KIAA1217: variants seen among roughly 807,000 people sequenced by gnomAD.
The protein encoded by KIAA1217 is KIAA1217, also known as sickle tail protein homolog.
KIAA1217 carries 88 observed loss-of-function variants against 163.9 expected under a neutral mutation model. The ratio of observed to expected loss-of-function variants is 0.54; its 90% CI spans 0.45 to 0.64. The LOEUF is 0.64. KIAA1217 is among the 30% of genes least tolerant of loss of function. KIAA1217 has a pLI of 0.00. For synonymous variants in KIAA1217, 903 were observed against 923.1 expected, an observed-to-expected ratio of 0.98 and a Z score of 0.39; for missense variants, 2,372 against 2,475.0, an observed-to-expected ratio of 0.96 and a Z score of 0.88.
chr10:23,812,643 C>A (rs1271291239), intron 1 of KIAA1217, among the ~76,000 whole-genome samples: 4 of 152,114 alleles, frequency 2.6e-5, no homozygotes, highest in Non-Finnish European at 5.9e-5. Flanking sequence ...ATTTTCATCA[C>A]CCCAAAGAGA....
chr10:23,739,495 T>A (rs1193724607), intron 1 of KIAA1217, among the ~76,000 whole-genome samples: 5 of 152,178 alleles, frequency 3.3e-5, no homozygotes, highest in Non-Finnish European at 7.3e-5. Context: ...GTATGTTTCA[T>A]AACAAGAGTG....
chr10:24,347,447 C>G (rs575760997), intron 2 of KIAA1217, among the ~76,000 whole-genome samples: 34 of 152,028 alleles, frequency 2.2e-4, no homozygotes, highest in Non-Finnish European at 4.9e-4. Context: ...TTACATTTCT[C>G]AGAGAAAAAA....
chr10:24,516,281 T>A (rs1361212798), intron 10 of KIAA1217, among the ~76,000 whole-genome samples: 5 of 152,226 alleles, frequency 3.3e-5, no homozygotes, highest in Admixed American at 2.0e-4. Flanking sequence ...GGGTGCAAGA[T>A]ACTAATAACA....
At chr10:24,393,660 A>G (rs2055302352) in intron 3 of KIAA1217, among the ~76,000 whole-genome samples, 1 of 152,358 alleles carries the variant, frequency 6.6e-6, no homozygotes, top group South Asian at 2.1e-4. Context: ...AAATGAGGTC[A>G]TAAGTGTAGG....
At chr10:23,698,889 A>G (rs1199909933) in intron 1 of KIAA1217, among the ~76,000 whole-genome samples, 1 of 151,956 alleles carries the variant, frequency 6.6e-6, no homozygotes, top group Admixed American at 6.6e-5. Context: ...GGCTCAAGCA[A>G]TCCTCCGATC....
chr10:23,810,045 C>T (rs1836922832), intron 1 of KIAA1217, among the ~76,000 whole-genome samples: 1 of 151,874 alleles, frequency 6.6e-6, no homozygotes, highest in Admixed American at 6.6e-5. Flanking sequence ...ATTTTCCCAA[C>T]CGTAGGCCAA....
intron 1 of KIAA1217, among the ~76,000 whole-genome samples, chr10:23,863,013 G>T (rs185720155): frequency 1.3e-5 from 2 of 151,960 alleles, no homozygotes; most frequent in Non-Finnish European, 2.9e-5. Flanking sequence ...GATTCTTAGC[G>T]ACCCTTAATA....
chr10:24,208,869 C>T (rs1485976870), upstream of KIAA1217: 4 of 278,486 alleles, frequency 1.4e-5, no homozygotes, highest in East Asian at 3.3e-4. Flanking sequence ...TTGAGGCCTC[C>T]CCCCCACACC....
At chr10:24,373,858 C>A (rs561159446) in intron 2 of KIAA1217, among the ~76,000 whole-genome samples, 2 of 152,166 alleles carry the variant, frequency 1.3e-5, no homozygotes, top group Non-Finnish European at 2.9e-5. Context: ...ATGAGCTGCC[C>A]GTGGGCAGCG....
intron 13 of KIAA1217, 51 bp from the exon 14 acceptor site, chr10:24,527,885 G>T: frequency 6.8e-7 from 1 of 1,459,990 alleles, no homozygotes; most frequent in Non-Finnish European, 9.5e-7. Context: ...AGTGTCCGTT[G>T]TTCTCCTCTA....
intron 1 of KIAA1217, among the ~76,000 whole-genome samples, chr10:23,921,225 G>A (rs903393907): frequency 6.6e-6 from 1 of 152,048 alleles, no homozygotes; most frequent in African/African-American, 2.4e-5. Flanking sequence ...GCATATGTTG[G>A]GATTTCTATA....
At chr10:24,208,978 G>A (rs867422865), upstream of KIAA1217, 9 of 533,240 alleles carry the variant, frequency 1.7e-5, no homozygotes, top group Middle Eastern at 5.1e-4. Context: ...GGGACGGAGG[G>A]CCAGGGGCAG....
At chr10:23,869,867 T>G (rs1418186595) in intron 1 of KIAA1217, among the ~76,000 whole-genome samples, 1 of 152,158 alleles carries the variant, frequency 6.6e-6, no homozygotes, top group African/African-American at 2.4e-5. Context: ...TTAGTCAATA[T>G]TTAGTTAATA....
At chr10:24,401,184 A>T (rs571473291) in intron 3 of KIAA1217, among the ~76,000 whole-genome samples, 12 of 147,300 alleles carry the variant, frequency 8.1e-5, no homozygotes, top group Middle Eastern at 7.1e-3. Flanking sequence ...ACCATCAACC[A>T]ATATATATAT....
At chr10:23,896,421 AC>A (rs1368637324) in intron 1 of KIAA1217, among the ~76,000 whole-genome samples, 2 of 151,776 alleles carry the variant, frequency 1.3e-5, no homozygotes, top group Non-Finnish European at 2.9e-5. Flanking sequence ...CCCTCTGTTC[AC>A]CCCTATGAAG....
chr10:24,063,060 T>C (rs945118848), intron 2 of KIAA1217, among the ~76,000 whole-genome samples: 1 of 152,090 alleles, frequency 6.6e-6, no homozygotes. Flanking sequence ...GATGAGTAGG[T>C]TGCAAAAATT....
At chr10:23,856,457 C>T (rs1839669909) in intron 1 of KIAA1217, among the ~76,000 whole-genome samples, 1 of 152,230 alleles carries the variant, frequency 6.6e-6, no homozygotes, top group African/African-American at 2.4e-5. Flanking sequence ...GCTCGGGGGT[C>T]AGGGGTCAGG....
intron 2 of KIAA1217, among the ~76,000 whole-genome samples, chr10:24,113,014 C>T (rs966419545): frequency 6.6e-6 from 1 of 152,128 alleles, no homozygotes; most frequent in Non-Finnish European, 1.5e-5. Context: ...AAGAGAGGAG[C>T]ACAGAACAGA....
intron 16 of KIAA1217, among the ~76,000 whole-genome samples, chr10:24,535,585 G>A (rs2073881697): frequency 6.6e-6 from 1 of 152,100 alleles, no homozygotes; most frequent in Admixed American, 6.6e-5. Flanking sequence ...GACCAGCCTG[G>A]CCAACATGGT....
Sources: gnomAD v4.1 joint callset for allele counts (sites outside exome capture counted in the v4.1 genomes callset) on GRCh38, gnomAD v4.1.1 for gene constraint, MANE v1.5 for transcripts, NCBI Gene and HGNC (gene_info 2026-07-23, HGNC 2026-07-21) for gene names.